Variants in DCAF6 observed in about 807,000 individuals in gnomAD.
DCAF6 encodes the protein DDB1- and CUL4-associated factor 6.
DCAF6 carries 54 observed loss-of-function variants against 125.1 expected under a neutral mutation model. The observed-to-expected ratio is 0.43, with a 90% CI of 0.35 to 0.54. The LOEUF is 0.54. DCAF6 is among the 20% of genes least tolerant of loss of function. The pLI is 0.01. For synonymous variants in DCAF6, 371 were observed against 390.4 expected, an observed-to-expected ratio of 0.95 and a Z score of 0.58; for missense variants, 934 against 1,161.7, an observed-to-expected ratio of 0.80 and a Z score of 2.85.
chr1:168,032,985 T>C (rs190541903), intron 12 of DCAF6, among the ~76,000 whole-genome samples: 1 of 152,156 alleles, frequency 6.6e-6, no homozygotes, highest in Admixed American at 6.5e-5. Flanking sequence ...TTTTGAACAG[T>C]ATTTAAATAT....
the DCAF6 span, among the ~76,000 whole-genome samples, chr1:167,890,588 A>C: frequency 2.8e-5 from 3 of 107,998 alleles, no homozygotes; most frequent in African/African-American, 1.1e-4. Context: ...TCAAGGCTCT[A>C]GCACTCTACA....
chr1:168,037,245 T>C (rs537701939), intron 12 of DCAF6, among the ~76,000 whole-genome samples: 2 of 152,158 alleles, frequency 1.3e-5, no homozygotes, highest in Middle Eastern at 3.4e-3. Context: ...AAAAAAGATA[T>C]AAGTCCTTCA....
intron 7 of DCAF6, among the ~76,000 whole-genome samples, chr1:167,996,624 C>A (rs1202027578): frequency 6.6e-6 from 1 of 152,168 alleles, no homozygotes; most frequent in Non-Finnish European, 1.5e-5. Context: ...CTAAGTGGCT[C>A]CCTGTCGGAC....
At chr1:167,901,865 T>C in the DCAF6 span, 39 of 1,613,406 alleles carry the variant, frequency 2.4e-5, no homozygotes, top group Non-Finnish European at 3.2e-5. Flanking sequence ...CTATTTTGTA[T>C]GAGATCTGTA....
chr1:167,890,158 T>C, the DCAF6 span, among the ~76,000 whole-genome samples: 4,056 of 152,306 alleles, frequency 0.027, 171 homozygotes, highest in African/African-American at 0.092. Context: ...TAGGTATTTA[T>C]TGTAGTCTTT....
At chr1:167,901,107 G>A in the DCAF6 span, among the ~76,000 whole-genome samples, 9 of 152,138 alleles carry the variant, frequency 5.9e-5, no homozygotes, top group South Asian at 2.1e-4. Flanking sequence ...ATGTTTGCAC[G>A]TGCATAGTGT....
chr1:168,030,076 C>T (rs748090998), intron 12 of DCAF6, among the ~76,000 whole-genome samples: 8 of 152,026 alleles, frequency 5.3e-5, no homozygotes, highest in African/African-American at 9.7e-5. Context: ...CTCTGGCATC[C>T]GTGATCATAA....
chr1:167,971,444 G>A (rs927324410), intron 3 of DCAF6, among the ~76,000 whole-genome samples: 3 of 152,196 alleles, frequency 2.0e-5, no homozygotes, highest in South Asian at 4.1e-4. Context: ...GTATAAATCT[G>A]TATATTCGAT....
chr1:167,867,305 GC>G, the DCAF6 span, among the ~76,000 whole-genome samples: 1 of 152,154 alleles, frequency 6.6e-6, no homozygotes, highest in South Asian at 2.1e-4. Flanking sequence ...ACACCCGGAA[GC>G]TGACTGGTCC....
chr1:167,925,440 CACATATATATATATATATAT>C, the DCAF6 span, among the ~76,000 whole-genome samples: 4 of 49,660 alleles, frequency 8.1e-5, no homozygotes, highest in African/African-American at 3.5e-4. Flanking sequence ...TATACATATA[CACATATATATATATATATAT>C]ATATATATAT....
intron 1 of DCAF6, 63 bp downstream of exon 1, chr1:167,937,071 C>A: frequency 2.1e-6 from 3 of 1,404,142 alleles, no homozygotes; most frequent in African/African-American, 1.4e-5. Flanking sequence ...AGGGGGCACG[C>A]TGCCGGGTCT....
At chr1:167,987,731 G>T (rs1241860469) in intron 5 of DCAF6, 123 bp downstream of exon 5, 2 of 501,824 alleles carry the variant, frequency 4.0e-6, no homozygotes, top group Non-Finnish European at 7.0e-6. Context: ...GTAAGATTAT[G>T]GGTGAATTTT....
chr1:167,926,275 T>G, the DCAF6 span, among the ~76,000 whole-genome samples: 1 of 152,376 alleles, frequency 6.6e-6, no homozygotes, highest in Non-Finnish European at 1.5e-5. Flanking sequence ...TAAATTTTGA[T>G]GTTCTTACAA....
chr1:167,934,144 G>A (rs1670991274), upstream of DCAF6, among the ~76,000 whole-genome samples: 1 of 152,112 alleles, frequency 6.6e-6, no homozygotes. Flanking sequence ...GCAAGTGAAA[G>A]GTAATCCCTC....
chr1:168,018,126 T>G (rs930398043), intron 11 of DCAF6, among the ~76,000 whole-genome samples: 2 of 152,218 alleles, frequency 1.3e-5, no homozygotes, highest in Admixed American at 1.3e-4. Context: ...GTAGGAAAGT[T>G]AGATCAAACC....
chr1:167,882,500 A>G, the DCAF6 span, among the ~76,000 whole-genome samples: 7 of 151,810 alleles, frequency 4.6e-5, no homozygotes, highest in Admixed American at 4.6e-4. Context: ...AAAAAAAAAA[A>G]AAAAGAACAG....
At chr1:167,926,657 G>A in the DCAF6 span, among the ~76,000 whole-genome samples, 21 of 152,264 alleles carry the variant, frequency 1.4e-4, no homozygotes, top group Non-Finnish European at 2.8e-4. Context: ...CCGTCTAGTG[G>A]GTAGAGGCCT....
chr1:167,889,369 A>G, the DCAF6 span, among the ~76,000 whole-genome samples: 1 of 152,092 alleles, frequency 6.6e-6, no homozygotes, highest in East Asian at 1.9e-4. Context: ...GATAAGACAT[A>G]TCACAGTGTT....
At chr1:168,049,431 G>GTTTTTTTTTT (rs11369573) in intron 16 of DCAF6, among the ~76,000 whole-genome samples, 4 of 101,172 alleles carry the variant, frequency 4.0e-5, no homozygotes, top group Non-Finnish European at 3.7e-5. Flanking sequence ...TGTTGTTGTT[G>GTTTTTTTTTT]TTTTTTTTTT....
Sources: allele counts gnomAD v4.1 joint callset (sites outside exome capture counted in the v4.1 genomes callset), GRCh38; gene constraint gnomAD v4.1.1; transcripts MANE v1.5; gene names NCBI Gene and HGNC (gene_info 2026-07-23, HGNC 2026-07-21).